Variants in NTRK2 observed in about 807,000 individuals in gnomAD.
The protein encoded by NTRK2 is neurotrophic receptor tyrosine kinase 2, also known as BDNF/NT-3 growth factors receptor.
NTRK2 carries 13 observed loss-of-function variants against 94.5 expected under a neutral mutation model. The observed-to-expected ratio is 0.14, with a 90% confidence interval of 0.09 to 0.22. NTRK2 has a LOEUF of 0.22. Among genes scored for constraint, NTRK2 ranks in the 10% least tolerant of loss-of-function variants. NTRK2 has a pLI of 1.00. For synonymous variants in NTRK2, 372 were observed against 407.4 expected (o/e 0.91, Z 1.05); for missense variants, 639 against 1,071.2 (o/e 0.60, Z 5.63).
At chr9:84,780,235 G>A (rs1446247920) in intron 12 of NTRK2, among the ~76,000 whole-genome samples, 1 of 152,082 alleles carries the variant, frequency 6.6e-6, no homozygotes, top group Non-Finnish European at 1.5e-5. Context: ...TGTAAATAAA[G>A]TTTTATTGGA....
chr9:84,709,961 C>CTGTGTGTG (rs35954183), intron 5 of NTRK2, among the ~76,000 whole-genome samples: 210 of 115,338 alleles, frequency 1.8e-3, no homozygotes, highest in South Asian at 2.6e-3. Context: ...ATAGCTTGCT[C>CTGTGTGTG]TGTGTGTGTG....
In NTRK2 at chr9:84,772,449, T is replaced by C. The variant is rs191567366; in HGVS notation, c.1396+20364T>C. On this transcript the variant is annotated intron_variant, in intron 12 of 18. Coordinates refer to ENST00000277120, the MANE Select transcript of NTRK2 (RefSeq NM_006180.6). ...TTTTAGTAGAGGCAGGGTTTCACCA[T>C]GTTGGCCAGGCTGGTTTCAAACTTC... Among the ~76,000 whole-genome samples the C allele has an allele frequency of 4.6e-5, 7 of 152,280 alleles. No individual in the cohort carries two copies. In the East Asian group the frequency reaches 1.4e-3, roughly 29 times the overall value.
chr9:84,870,359 AT>A (rs1398036528), intron 14 of NTRK2, among the ~76,000 whole-genome samples: 2 of 130,558 alleles, frequency 1.5e-5, no homozygotes, highest in Non-Finnish European at 3.3e-5. Context: ...ATATATATAT[AT>A]ATATAAAACT....
chr9:84,962,381 G>A (rs1009557190), intron 17 of NTRK2, among the ~76,000 whole-genome samples: 1 of 152,162 alleles, frequency 6.6e-6, no homozygotes, highest in Non-Finnish European at 1.5e-5. Context: ...AAAGGCTATA[G>A]AAACTTTTGG....
chr9:85,016,782 T>A (rs1350146227), intron 17 of NTRK2, among the ~76,000 whole-genome samples: 1 of 152,132 alleles, frequency 6.6e-6, no homozygotes, highest in East Asian at 1.9e-4. Flanking sequence ...TCTGAACTTT[T>A]ATTAGATTGT....
chr9:84,992,384 A>G (rs1314521553), intron 17 of NTRK2, among the ~76,000 whole-genome samples: 1 of 151,906 alleles, frequency 6.6e-6, no homozygotes, highest in Non-Finnish European at 1.5e-5. Context: ...CCACTGCCAG[A>G]GGTTGGATGT....
intron 12 of NTRK2, among the ~76,000 whole-genome samples, chr9:84,829,357 T>TTTTG (rs533950458): frequency 4.7e-4 from 72 of 152,288 alleles, no homozygotes; most frequent in Admixed American, 1.0e-3. Context: ...GTCATATGAA[T>TTTTG]TTTGTTTGTT....
At chr9:84,855,628 C>G (rs1160096541) in intron 12 of NTRK2, among the ~76,000 whole-genome samples, 1 of 147,862 alleles carries the variant, frequency 6.8e-6, no homozygotes, top group Non-Finnish European at 1.5e-5. Context: ...GATAGGCTCT[C>G]TATAATGGTA....
In NTRK2 at chr9:84,797,543, A is replaced by ATTATATATAT. The variant is rs67578078; in HGVS notation, c.1396+45459_1396+45460insTATATATATT. 1.7e-4 allele frequency among the ~76,000 whole-genome samples: 11 copies of ATTATATATAT among 66,300 alleles called. 1 individual carries two copies. Among genetic ancestry groups the ATTATATATAT allele is most frequent in the African/African-American group, 7.6e-4 (11 of 14,482 alleles). 43.5% of individuals were successfully genotyped at this position (66,300 alleles called of 152,430 possible). A position where few individuals can be genotyped will look rare whatever the true frequency, so the allele number is the denominator to read the frequency against. ...TTATTACTATAATAATGTATATATA[A>ATTATATATAT]TATATATATTATATATACTATATAT... is the stretch of plus-strand genomic sequence containing the variant. On this transcript the variant is annotated intron_variant, in intron 12 of 18. Transcript: ENST00000277120.
intron 14 of NTRK2, among the ~76,000 whole-genome samples, chr9:84,870,122 T>C (rs1343499342): frequency 4.0e-4 from 53 of 132,986 alleles, no homozygotes; most frequent in African/African-American, 1.4e-3. Context: ...TATATATATA[T>C]ATATACACAC....
chr9:84,788,700 G>C (rs1311278192), intron 12 of NTRK2, among the ~76,000 whole-genome samples: 1 of 152,046 alleles, frequency 6.6e-6, no homozygotes, highest in Non-Finnish European at 1.5e-5. Flanking sequence ...GCATGAGGAG[G>C]GGGAGCAAAT....
intron 14 of NTRK2, among the ~76,000 whole-genome samples, chr9:84,880,956 T>C (rs2076236530): frequency 6.6e-6 from 1 of 152,220 alleles, no homozygotes; most frequent in South Asian, 2.1e-4. Context: ...CAAAATATTG[T>C]TTACTAGAGT....
At chr9:84,872,371 G>GA in intron 14 of NTRK2, 3 of 1,094,376 alleles carry the variant, frequency 2.7e-6, no homozygotes, top group Admixed American at 9.0e-5. Context: ...TTGAAGGGCA[G>GA]GAGTGTGTTT....
chr9:84,840,706 G>A (rs1020305237), intron 12 of NTRK2, among the ~76,000 whole-genome samples: 4 of 152,076 alleles, frequency 2.6e-5, no homozygotes, highest in Admixed American at 6.5e-5. Context: ...AATCTAGCGC[G>A]CTGTTCTCCT....
In NTRK2 at chr9:84,722,229, C is replaced by T. The variant is rs535938172; in HGVS notation, c.584-1344C>T. On this transcript the variant is annotated intron_variant, in intron 6 of 18. Coordinates refer to ENST00000277120, the MANE Select transcript of NTRK2 (RefSeq NM_006180.6). The stretch of plus-strand genomic sequence containing the variant: ...AACATTGGTCTCTATTGGATGCTTA[C>T]GGGAAGGAAGAGTTTGGAAGGGGGG... Among the ~76,000 whole-genome samples the T allele has an allele frequency of 1.0e-4, 13 of 124,646 alleles. 1 individual carries two copies. In the South Asian group the frequency reaches 2.1e-3, roughly 20 times the overall value. The allele number at this position is 124,646 out of a possible 152,430, so 81.8% of individuals were successfully genotyped here.
At chr9:84,789,480 G>A (rs1332054044) in intron 12 of NTRK2, among the ~76,000 whole-genome samples, 19 of 152,126 alleles carry the variant, frequency 1.2e-4, no homozygotes, top group Non-Finnish European at 1.5e-5. Context: ...GGAAAACACC[G>A]AGGCTCAAGG....
At position 84,733,584 on chromosome 9, in the gene NTRK2, C is replaced by T. The variant is rs1440626828; in HGVS notation, c.1159+5625C>T. Among the ~76,000 whole-genome samples, 4 of 152,076 alleles carry T rather than the reference C, an allele frequency of 2.6e-5. No individual in the cohort carries two copies. In the East Asian group the frequency reaches 5.8e-4, roughly 22 times the overall value. On this transcript the variant is annotated intron_variant, in intron 9 of 18. Coordinates refer to ENST00000277120, the MANE Select transcript of NTRK2 (RefSeq NM_006180.6). ...TGGGAATAAAACACAGCCTCTTGCCCATATAACAAAAGACACCCTAGCCAA... is the reference window on the plus strand; with the variant it reads ...TGGGAATAAAACACAGCCTCTTGCCTATATAACAAAAGACACCCTAGCCAA...
chr9:84,804,591 T>C (rs720141), intron 12 of NTRK2, among the ~76,000 whole-genome samples: 86,104 of 152,002 alleles, frequency 0.57, 26,335 homozygotes, highest in East Asian at 0.71. Flanking sequence ...TTGGACTCTG[T>C]AAGTTTCAGC....
chr9:84,911,765 C>T (rs531891318), intron 14 of NTRK2, among the ~76,000 whole-genome samples: 1 of 152,008 alleles, frequency 6.6e-6, no homozygotes, highest in South Asian at 2.1e-4. Context: ...GATTTCTGAT[C>T]TTACATTTTT....
Sources: allele counts gnomAD v4.1 joint callset (sites outside exome capture counted in the v4.1 genomes callset), GRCh38; gene constraint gnomAD v4.1.1; transcripts MANE v1.5; gene names NCBI Gene and HGNC (gene_info 2026-07-23, HGNC 2026-07-21).